Variants in CTNND2 observed in about 807,000 individuals in gnomAD.
CTNND2 encodes the protein catenin delta-2.
A neutral mutation model predicts 144.4 loss-of-function variants in CTNND2; 22 were observed. The ratio of observed to expected loss-of-function variants is 0.15; its 90% confidence interval spans 0.11 to 0.22. CTNND2 has a LOEUF of 0.22. Ranked by LOEUF, CTNND2 falls within the 10% of genes least tolerant of loss-of-function variation. The probability of loss-of-function intolerance (pLI) is 1.00; values close to 1 mark genes in which losing one functional copy is unlikely to be tolerated. For synonymous variants in CTNND2, 751 were observed against 695.6 expected, an observed-to-expected ratio of 1.08 and a Z score of -1.25; for missense variants, 1,353 against 1,618.8, an observed-to-expected ratio of 0.84 and a Z score of 2.82.
At chr5:11,500,189 C>G (rs17817157) in intron 3 of CTNND2, among the ~76,000 whole-genome samples, 19,358 of 152,064 alleles carry the variant, frequency 0.13, 1,265 homozygotes, top group Middle Eastern at 0.27. Flanking sequence ...GCATATTATC[C>G]TATTCTGAAG....
chr5:11,078,475 G>GTGACA (rs1554038481), intron 16 of CTNND2, among the ~76,000 whole-genome samples: 2 of 152,172 alleles, frequency 1.3e-5, no homozygotes, highest in African/African-American at 4.8e-5. Context: ...GATAGTAAAG[G>GTGACA]TTTCGTTGAA....
intron 3 of CTNND2, among the ~76,000 whole-genome samples, chr5:11,518,702 C>T (rs1350418815): frequency 6.6e-6 from 1 of 152,140 alleles, no homozygotes; most frequent in Non-Finnish European, 1.5e-5. Context: ...CAACTACTTA[C>T]CATTGTGTTA....
At chr5:11,775,385 A>G (rs2126835383) in intron 1 of CTNND2, among the ~76,000 whole-genome samples, 1 of 152,284 alleles carries the variant, frequency 6.6e-6, no homozygotes, top group African/African-American at 2.4e-5. Context: ...CTCATCTGTA[A>G]AATCGAGATA....
chr5:11,433,602 A>G (rs1763495882), intron 3 of CTNND2, among the ~76,000 whole-genome samples: 1 of 152,230 alleles, frequency 6.6e-6, no homozygotes. Flanking sequence ...GAGCAGGTGC[A>G]TCAATGGTGA....
intron 1 of CTNND2, among the ~76,000 whole-genome samples, chr5:11,857,090 CT>C (rs1795287303): frequency 2.0e-5 from 3 of 152,272 alleles, no homozygotes; most frequent in African/African-American, 7.2e-5. Context: ...TCTTATACTA[CT>C]GACATCAGGA....
intron 9 of CTNND2, among the ~76,000 whole-genome samples, chr5:11,268,074 G>C (rs544017999): frequency 6.6e-5 from 10 of 152,348 alleles, no homozygotes; most frequent in African/African-American, 2.2e-4. Context: ...TGGTTGAAGA[G>C]ACCTTGAAAG....
chr5:11,294,276 C>T (rs1748663822), intron 9 of CTNND2, among the ~76,000 whole-genome samples: 1 of 151,892 alleles, frequency 6.6e-6, no homozygotes, highest in South Asian at 2.1e-4. Context: ...CAAATGCATG[C>T]CTTTTTAGTA....
At chr5:11,272,012 A>T (rs1295780507) in intron 9 of CTNND2, among the ~76,000 whole-genome samples, 1 of 152,206 alleles carries the variant, frequency 6.6e-6, no homozygotes, top group Non-Finnish European at 1.5e-5. Context: ...ACAAATAAAA[A>T]TATAAAAATG....
At chr5:11,543,054 C>A (rs1398244482) in intron 3 of CTNND2, among the ~76,000 whole-genome samples, 1 of 152,222 alleles carries the variant, frequency 6.6e-6, no homozygotes, top group Non-Finnish European at 1.5e-5. Flanking sequence ...AACGAGAGTA[C>A]TGCAGGTTAA....
intron 11 of CTNND2, among the ~76,000 whole-genome samples, chr5:11,172,741 C>T (rs1447787224): frequency 6.6e-6 from 1 of 152,098 alleles, no homozygotes; most frequent in Non-Finnish European, 1.5e-5. Context: ...AGCTTCCTGG[C>T]ACTACCAAGA....
chr5:11,374,020 C>T (rs1361471114), intron 7 of CTNND2, among the ~76,000 whole-genome samples: 1 of 152,116 alleles, frequency 6.6e-6, no homozygotes, highest in Non-Finnish European at 1.5e-5. Flanking sequence ...TTTCCCTTTC[C>T]TTCTGCAGGT....
At position 11,168,007 on chromosome 5, in the gene CTNND2, T is replaced by G. The variant is rs140032516; in HGVS notation, c.1976-8248A>C. 5.5e-4 allele frequency among the ~76,000 whole-genome samples: 84 copies of G among 152,086 alleles called. 1 individual carries two copies. In the East Asian group the frequency reaches 0.016, roughly 29 times the overall value. On this transcript the variant is annotated intron_variant, in intron 11 of 21. Transcript: ENST00000304623. ...AGGCAGGAGCCACTATGCCTGACCC[T>G]CACCTAAATTTTTGATTAGTTTAAA...
intron 1 of CTNND2, among the ~76,000 whole-genome samples, chr5:11,816,523 GT>G (rs2126921091): frequency 6.7e-6 from 1 of 150,034 alleles, no homozygotes; most frequent in African/African-American, 2.5e-5. Context: ...TGGTTGGCTG[GT>G]GTTAGCATAA....
chr5:11,866,233 T>A (rs1795762288), intron 1 of CTNND2, among the ~76,000 whole-genome samples: 1 of 151,968 alleles, frequency 6.6e-6, no homozygotes. Context: ...AGCCCAGGAG[T>A]TTAAAGCTGT....
chr5:11,106,572 G>A (rs964703256), intron 14 of CTNND2, among the ~76,000 whole-genome samples: 1 of 152,182 alleles, frequency 6.6e-6, no homozygotes, highest in African/African-American at 2.4e-5. Flanking sequence ...CTCTTTGCAG[G>A]GAATGTACAG....
At position 11,403,120 on chromosome 5, in the gene CTNND2, T is replaced by C. The variant is rs546811690; in HGVS notation, c.440-5917A>G. 3.3e-5 allele frequency among the ~76,000 whole-genome samples: 5 copies of C among 152,272 alleles called. No homozygotes were observed. In the East Asian group the frequency reaches 9.7e-4, roughly 29 times the overall value. On this transcript the variant is annotated intron_variant, in intron 5 of 21. Coordinates refer to ENST00000304623, the MANE Select transcript of CTNND2 (RefSeq NM_001332.4). ...TTACATAGGTATACATGTGCCGTGGTTGTTTGCTGCACCTATCAACCTGTC... is the reference window on the plus strand; with the variant it reads ...TTACATAGGTATACATGTGCCGTGGCTGTTTGCTGCACCTATCAACCTGTC...
intron 1 of CTNND2, among the ~76,000 whole-genome samples, chr5:11,765,528 T>C (rs977213610): frequency 3.6e-4 from 55 of 152,346 alleles, no homozygotes; most frequent in African/African-American, 1.3e-3. Flanking sequence ...CTCCTTAGAT[T>C]ATCTAAAAAC....
At chr5:11,678,212 A>G (rs185349387) in intron 2 of CTNND2, among the ~76,000 whole-genome samples, 183 of 152,348 alleles carry the variant, frequency 1.2e-3, no homozygotes, top group African/African-American at 4.3e-3. Context: ...TATCAGATCA[A>G]TCCACTTCCT....
At chr5:11,113,357 G>A (rs1344965958) in intron 13 of CTNND2, among the ~76,000 whole-genome samples, 2 of 152,104 alleles carry the variant, frequency 1.3e-5, no homozygotes, top group Admixed American at 6.6e-5. Flanking sequence ...GTGCATAATT[G>A]GTGTTTTCCT....
Sources: gnomAD v4.1 joint callset for allele counts (sites outside exome capture counted in the v4.1 genomes callset) on GRCh38, gnomAD v4.1.1 for gene constraint, MANE v1.5 for transcripts, NCBI Gene and HGNC (gene_info 2026-07-23, HGNC 2026-07-21) for gene names.